Variants in TRIM13 observed in about 807,000 individuals in gnomAD.
TRIM13 encodes the protein tripartite motif containing 13, also known as E3 ubiquitin-protein ligase TRIM13.
Under a neutral mutation model 27.1 loss-of-function variants are expected in TRIM13, and 15 were observed. The observed-to-expected ratio is 0.55, with a 90% CI of 0.37 to 0.85. The LOEUF (loss-of-function observed/expected upper bound fraction) is 0.85. TRIM13 is among the 40% of genes least tolerant of loss of function. The probability of loss-of-function intolerance (pLI) is 0.00; values close to 1 mark genes in which losing one functional copy is unlikely to be tolerated. For missense variants in TRIM13, 402 were observed against 472.2 expected, an observed-to-expected ratio of 0.85 and a Z score of 1.38; for synonymous variants, 193 against 171.5, an observed-to-expected ratio of 1.13 and a Z score of -0.98.
At chr13:50,001,623 G>GT (rs1233374179) in intron 1 of TRIM13, among the ~76,000 whole-genome samples, 2 of 152,068 alleles carry the variant, frequency 1.3e-5, no homozygotes, top group Admixed American at 6.6e-5. Flanking sequence ...GGACACATAG[G>GT]TAACTTTTAT....
chr13:50,011,861 G>T lies in TRIM13; in HGVS notation c.-6-74G>T. The T allele has an allele frequency of 2.0e-6, 3 of 1,465,272 alleles. No homozygotes were observed. In the South Asian group the frequency reaches 4.2e-5, roughly 21 times the overall value. 90.8% of individuals were successfully genotyped at this position (1,465,272 alleles called of 1,614,324 possible). Reference sequence around the variant, plus strand: ...GAAAAATCATTTTAACGTGAAGGCAGATTTCTTCTAATTATTACATAGTCC... The same window carrying T: ...GAAAAATCATTTTAACGTGAAGGCATATTTCTTCTAATTATTACATAGTCC... On this transcript the variant is annotated intron_variant, in intron 1 of 1. Coordinates refer to ENST00000378182, the MANE Select transcript of TRIM13 (RefSeq NM_213590.3).
At chr13:50,010,018 T>G (rs2138403905) in intron 1 of TRIM13, among the ~76,000 whole-genome samples, 1 of 150,220 alleles carries the variant, frequency 6.7e-6, no homozygotes, top group African/African-American at 2.4e-5. Flanking sequence ...ATTATTTAAA[T>G]AGCCTTTTCA....
intron 1 of TRIM13, among the ~76,000 whole-genome samples, chr13:49,998,640 C>T (rs984359886): frequency 1.2e-4 from 18 of 151,886 alleles, no homozygotes; most frequent in Admixed American, 1.2e-3. Context: ...AAAGAGTTCT[C>T]GGTGGAATTT....
rs1875198528 is a variant in TRIM13 at position 50,009,027 on chromosome 13, A to AAG, written c.-6-2907_-6-2906insGA. Reference sequence around the variant, plus strand: ...TGGGTGAAAAAGCTGTCTCAAAAAAAAAAAAAAAAAAAAAAAGAGAATCCC... The same window carrying AAG: ...TGGGTGAAAAAGCTGTCTCAAAAAAAAGAAAAAAAAAAAAAAAAGAGAATCCC... On this transcript the variant is annotated intron_variant, in intron 1 of 1. Transcript: ENST00000378182. Among the ~76,000 whole-genome samples, 3 of 142,280 alleles carry AAG rather than the reference A, an allele frequency of 2.1e-5. No homozygotes were observed. In the South Asian group the frequency reaches 6.3e-4, roughly 30 times the overall value. 93.3% of individuals were successfully genotyped at this position (142,280 alleles called of 152,430 possible). A position where few individuals can be genotyped will look rare whatever the true frequency, so the allele number is the denominator to read the frequency against.
chr13:50,004,583 T>C (rs187769364), intron 1 of TRIM13, among the ~76,000 whole-genome samples: 49 of 151,980 alleles, frequency 3.2e-4, no homozygotes, highest in African/African-American at 9.2e-4. Flanking sequence ...GCCAACATAA[T>C]GAAACCCTGT....
intron 1 of TRIM13, 127 bp from the exon 2 acceptor site, chr13:50,011,808 A>T: frequency 8.6e-7 from 1 of 1,166,568 alleles, no homozygotes; most frequent in Non-Finnish European, 1.2e-6. Context: ...CAAATTTCTC[A>T]CTACTTTGTT....
chr13:49,997,273 C>G lies in TRIM13; in HGVS notation c.-497C>G, dbSNP rs979646000. 3 of 152,820 alleles carry G rather than the reference C, an allele frequency of 2.0e-5. No homozygotes were observed. The highest frequency in any genetic ancestry group is 4.4e-5 in the Non-Finnish European group (3 of 68,622). The allele number at this position is 152,820 out of a possible 1,614,324, so 9.5% of individuals were successfully genotyped here. A position where few individuals can be genotyped will look rare whatever the true frequency, so the allele number is the denominator to read the frequency against. On this transcript the variant is annotated 5_prime_UTR_variant, in exon 1 of 2. Transcript: ENST00000378182. ...TGGCGAAGGCCGTCTGAGCTCCAGTCCGGCAGCGCGGCAGAAACCAGCGGG... is the reference window on the plus strand; with the variant it reads ...TGGCGAAGGCCGTCTGAGCTCCAGTGCGGCAGCGCGGCAGAAACCAGCGGG...
intron 1 of TRIM13, among the ~76,000 whole-genome samples, chr13:50,004,640 T>C (rs780556572): frequency 4.9e-4 from 75 of 151,780 alleles, no homozygotes; most frequent in Non-Finnish European, 9.4e-4. Flanking sequence ...GGTGCATGCC[T>C]GTAATCCGAG....
chr13:50,001,528 T>A (rs1874041201), intron 1 of TRIM13, among the ~76,000 whole-genome samples: 1 of 152,202 alleles, frequency 6.6e-6, no homozygotes, highest in South Asian at 2.1e-4. Flanking sequence ...CTTGTCAGGA[T>A]CTCTGCTAGA....
Position 50,005,036 on chromosome 13 carries a change from A to G in TRIM13, c.-6-6899A>G, listed in dbSNP as rs1315419193. On this transcript the variant is annotated intron_variant, in intron 1 of 1. Transcript: ENST00000378182. Reference sequence around the variant, plus strand: ...GGTTGCAGTGAGCCGAGATGGTGCCATTGCACTCCAGCCTGGGTAACAAGA... The same window carrying G: ...GGTTGCAGTGAGCCGAGATGGTGCCGTTGCACTCCAGCCTGGGTAACAAGA... 2.6e-5 allele frequency among the ~76,000 whole-genome samples: 4 copies of G among 151,824 alleles called. No individual in the cohort carries two copies. In the East Asian group the frequency reaches 7.8e-4, roughly 30 times the overall value.
chr13:50,013,316 AAAGAT>A lies in TRIM13; in HGVS notation c.*155_*159del. On this transcript the variant is annotated 3_prime_UTR_variant, in exon 2 of 2. Transcript: ENST00000378182. Reference sequence around the variant, plus strand: ...TATACATGTTCAAATTAGGTAGCATAAAGATAAAAGTGAAATTTAGTAGTATAGGC... The same window carrying A: ...TATACATGTTCAAATTAGGTAGCATAAAAAGTGAAATTTAGTAGTATAGGC... 1.2e-6 allele frequency: 1 copy of A among 823,710 alleles called. No homozygotes were observed. Among genetic ancestry groups the A allele is most frequent in the South Asian group, 2.5e-5 (1 of 39,360 alleles). 51.0% of individuals were successfully genotyped at this position (823,710 alleles called of 1,614,324 possible). A position where few individuals can be genotyped will look rare whatever the true frequency, so the allele number is the denominator to read the frequency against.
In TRIM13 at chr13:50,014,355, A is replaced by ATG. The variant is rs1876081336; in HGVS notation, c.*1192_*1193insGT. 1 of 99,972 alleles carries ATG rather than the reference A, an allele frequency of 1.0e-5. No individual in the cohort carries two copies. The highest frequency in any genetic ancestry group is 2.1e-5 in the Non-Finnish European group (1 of 47,760). 6.2% of individuals were successfully genotyped at this position (99,972 alleles called of 1,614,324 possible). On this transcript the variant is annotated 3_prime_UTR_variant, in exon 2 of 2. Transcript: ENST00000378182. ...AAAAAAAAAAAAAAAATATATATAT[A>ATG]TATATACACACACACACACACATAT... is the stretch of plus-strand genomic sequence containing the variant.
chr13:50,012,976 A>T lies in TRIM13; in HGVS notation c.1036A>T (p.Thr346Ser). ...ATGGTCATTATTTGATGACCTGGCA[A>T]CTTGGAAAGGCTGTCTTTCAAACTT... is the stretch of plus-strand genomic sequence containing the variant. ...LEWSLFDDLATWKGCLSNFSS... is the reference protein window; with the variant it reads ...LEWSLFDDLASWKGCLSNFSS... The change falls in exon 2 of 2, where the codon ACT becomes TCT. Residue 346 changes from threonine to serine, a missense_variant. Transcript: ENST00000378182. 2 of 1,613,820 alleles carry T rather than the reference A, an allele frequency of 1.2e-6. No individual in the cohort carries two copies. Among genetic ancestry groups the T allele is most frequent in the South Asian group, 2.2e-5 (2 of 91,048 alleles).
rs1233733242 is a variant in TRIM13 at position 50,015,092 on chromosome 13, AAAATATATATATATATATATATATAT to A, written c.*1930_*1955del. 2.1e-3 allele frequency: 49 copies of A among 23,420 alleles called. 2 individuals are homozygous for A. The highest frequency in any genetic ancestry group is 7.2e-3 in the African/African-American group (43 of 5,958). 1.5% of individuals were successfully genotyped at this position (23,420 alleles called of 1,614,324 possible). A position where few individuals can be genotyped will look rare whatever the true frequency, so the allele number is the denominator to read the frequency against. ...CCCAGTAATAAAAAAAAAAAAAAAA[AAAATATATATATATATATATATATAT>A]ATATATATATATATATATATATATA... On this transcript the variant is annotated 3_prime_UTR_variant, in exon 2 of 2. Transcript: ENST00000378182.
intron 1 of TRIM13, among the ~76,000 whole-genome samples, chr13:50,003,225 A>G (rs1566433546): frequency 6.6e-6 from 1 of 152,204 alleles, no homozygotes; most frequent in African/African-American, 2.4e-5. Context: ...TAGCCACCTG[A>G]TAGATACTTA....
chr13:50,001,683 TATTA>T (rs953572619), intron 1 of TRIM13, among the ~76,000 whole-genome samples: 62 of 152,342 alleles, frequency 4.1e-4, no homozygotes, highest in African/African-American at 1.2e-3. Flanking sequence ...ATATGTAATA[TATTA>T]ATTTTCATTT....
chr13:49,998,603 A>G (rs1415681253), intron 1 of TRIM13, among the ~76,000 whole-genome samples: 1 of 151,736 alleles, frequency 6.6e-6, no homozygotes, highest in Non-Finnish European at 1.5e-5. Flanking sequence ...GAGTTGAGAA[A>G]TTACTTTTAG....
At chr13:50,003,853 G>C (rs1874343709) in intron 1 of TRIM13, among the ~76,000 whole-genome samples, 1 of 152,184 alleles carries the variant, frequency 6.6e-6, no homozygotes, top group Admixed American at 6.5e-5. Context: ...TTAAAAGTAT[G>C]TTAGAAAACA....
At position 50,014,935 on chromosome 13, in the gene TRIM13, T is replaced by C. The variant is rs1313612750; in HGVS notation, c.*1771T>C. ...AATAGTCAAATTGAGCTTGCCAGGCTGTCTCATTCCTAACATGTAATTCAT... is the reference window on the plus strand; with the variant it reads ...AATAGTCAAATTGAGCTTGCCAGGCCGTCTCATTCCTAACATGTAATTCAT... On this transcript the variant is annotated 3_prime_UTR_variant, in exon 2 of 2. Coordinates refer to ENST00000378182, the MANE Select transcript of TRIM13 (RefSeq NM_213590.3). 1 of 166,462 alleles carries C rather than the reference T, an allele frequency of 6.0e-6. No homozygotes were observed. Among genetic ancestry groups the C allele is most frequent in the African/African-American group, 2.4e-5 (1 of 41,252 alleles). The allele number at this position is 166,462 out of a possible 1,614,324, so 10.3% of individuals were successfully genotyped here. A position where few individuals can be genotyped will look rare whatever the true frequency, so the allele number is the denominator to read the frequency against.
Sources: gnomAD v4.1 joint callset for allele counts (sites outside exome capture counted in the v4.1 genomes callset) on GRCh38, gnomAD v4.1.1 for gene constraint, MANE v1.5 for transcripts, NCBI Gene and HGNC (gene_info 2026-07-23, HGNC 2026-07-21) for gene names.